The following DPYSL5 variants were observed in gnomAD, a reference collection of about 807,000 sequenced individuals.
DPYSL5 encodes dihydropyrimidinase-related protein 5.
DPYSL5 carries 9 observed loss-of-function variants against 58.4 expected under a neutral mutation model. The ratio of observed to expected loss-of-function variants is 0.15; its 90% CI spans 0.09 to 0.27. The LOEUF (loss-of-function observed/expected upper bound fraction) is 0.27, where lower values mean the gene tolerates loss of function less well. Ranked by LOEUF, DPYSL5 falls within the 10% of genes least tolerant of loss-of-function variation. DPYSL5 has a pLI of 1.00. For synonymous variants in DPYSL5, 293 were observed against 301.9 expected, an observed-to-expected ratio of 0.97 and a Z score of 0.31; for missense variants, 499 against 770.6, an observed-to-expected ratio of 0.65 and a Z score of 4.17.
intron 5 of DPYSL5, among the ~76,000 whole-genome samples, chr2:26,929,381 C>T (rs554737623): frequency 1.3e-5 from 2 of 152,160 alleles, no homozygotes; most frequent in Non-Finnish European, 2.9e-5. Flanking sequence ...TACAGGCATG[C>T]ACCGCCACAC....
intron 2 of DPYSL5, among the ~76,000 whole-genome samples, chr2:26,907,928 A>C (rs1335318458): frequency 1.3e-5 from 2 of 152,174 alleles, no homozygotes; most frequent in East Asian, 3.8e-4. Context: ...GACATCCAAG[A>C]AATGGATGTC....
At chr2:26,893,768 G>T (rs1663946052) in intron 1 of DPYSL5, among the ~76,000 whole-genome samples, 2 of 152,146 alleles carry the variant, frequency 1.3e-5, no homozygotes, top group Admixed American at 1.3e-4. Flanking sequence ...TGAAGGCAAT[G>T]GATCTAGTGA....
chr2:26,922,852 C>T (rs528412109), intron 2 of DPYSL5, among the ~76,000 whole-genome samples: 11 of 152,340 alleles, frequency 7.2e-5, no homozygotes, highest in Non-Finnish European at 1.3e-4. Flanking sequence ...GGTTCCTCTG[C>T]CGCCCCCATC....
chr2:26,893,919 CAG>C (rs1297239242), intron 1 of DPYSL5, among the ~76,000 whole-genome samples: 5 of 152,008 alleles, frequency 3.3e-5, no homozygotes, highest in Non-Finnish European at 7.4e-5. Context: ...TCCTGCTGGT[CAG>C]AGTTTGTCCT....
intron 8 of DPYSL5, among the ~76,000 whole-genome samples, chr2:26,937,764 T>C (rs1344562689): frequency 6.6e-6 from 1 of 151,822 alleles, no homozygotes; most frequent in African/African-American, 2.4e-5. Context: ...GTTTGTTTGT[T>C]TGTTTGTTTG....
chr2:26,946,532 C>T (rs1040417107), intron 12 of DPYSL5, among the ~76,000 whole-genome samples: 21 of 152,154 alleles, frequency 1.4e-4, no homozygotes, highest in African/African-American at 4.8e-4. Context: ...ATGGCATACC[C>T]TCATTTTTCT....
intron 2 of DPYSL5, among the ~76,000 whole-genome samples, chr2:26,913,860 T>C (rs960248863): frequency 6.6e-6 from 1 of 151,608 alleles, no homozygotes; most frequent in Non-Finnish European, 1.5e-5. Flanking sequence ...GTCTTCAGCA[T>C]GGAAATGTGC....
chr2:26,920,233 G>A (rs926889532), intron 2 of DPYSL5, among the ~76,000 whole-genome samples: 1 of 151,886 alleles, frequency 6.6e-6, no homozygotes, highest in South Asian at 2.1e-4. Context: ...GTTAACATCT[G>A]TTAAGTTTGA....
chr2:26,867,510 C>T (rs1663124581), intron 1 of DPYSL5, among the ~76,000 whole-genome samples: 1 of 143,782 alleles, frequency 7.0e-6, no homozygotes, highest in Admixed American at 7.1e-5. Flanking sequence ...GGCTGGAGTG[C>T]GGTGGCGGGA....
chr2:26,892,645 T>TGGGCAATG (rs1461122573), intron 1 of DPYSL5, among the ~76,000 whole-genome samples: 1 of 150,260 alleles, frequency 6.7e-6, no homozygotes, highest in Admixed American at 6.6e-5. Context: ...AAGTTCAGCC[T>TGGGCAATG]GGGCAATGAC....
intron 2 of DPYSL5, among the ~76,000 whole-genome samples, chr2:26,901,027 G>T (rs1664143344): frequency 2.0e-5 from 3 of 152,084 alleles, no homozygotes; most frequent in Non-Finnish European, 4.4e-5. Context: ...TTTATGCAAG[G>T]TGGTGAGTAA....
intron 1 of DPYSL5, among the ~76,000 whole-genome samples, chr2:26,870,608 G>A (rs975246110): frequency 1.3e-5 from 2 of 151,982 alleles, no homozygotes; most frequent in Non-Finnish European, 2.9e-5. Context: ...CACTTTGGGA[G>A]GCTGAAGGAT....
intron 1 of DPYSL5, among the ~76,000 whole-genome samples, chr2:26,868,860 A>G (rs1663182047): frequency 6.6e-6 from 1 of 152,220 alleles, no homozygotes; most frequent in Admixed American, 6.5e-5. Context: ...TTTGGAGAAA[A>G]TTGACATTTT....
At chr2:26,850,981 CATAT>C (rs968801481) in intron 1 of DPYSL5, among the ~76,000 whole-genome samples, 4 of 145,916 alleles carry the variant, frequency 2.7e-5, no homozygotes, top group Admixed American at 6.6e-5. Flanking sequence ...TATATACACA[CATAT>C]ATATATACAC....
rs1336703984 is a variant in DPYSL5, at chr2:26,898,192, G to A, written c.-4-304G>A. Among the ~76,000 whole-genome samples, 1 of 152,168 alleles carries A rather than the reference G, an allele frequency of 6.6e-6. No homozygotes were observed. Among genetic ancestry groups the A allele is most frequent in the Non-Finnish European group, 1.5e-5 (1 of 68,030 alleles). ...AGTAGAGATATGAGAAATGAGATATGAGAGATAGAAAATGAGATAGTAGAT... is the reference window on the plus strand; with the variant it reads ...AGTAGAGATATGAGAAATGAGATATAAGAGATAGAAAATGAGATAGTAGAT... On this transcript the variant is annotated intron_variant, in intron 1 of 12. Transcript: ENST00000288699. The surrounding 1 kb of genome is among the most constrained non-coding windows in gnomAD (Gnocchi z 6.1).
At chr2:26,923,148 T>A (rs1027389379) in intron 2 of DPYSL5, among the ~76,000 whole-genome samples, 2 of 151,852 alleles carry the variant, frequency 1.3e-5, no homozygotes, top group African/African-American at 4.8e-5. Context: ...GAGCTCTTTT[T>A]CTCCCCTACA....
At chr2:26,848,586 G>C (rs1665658045) in intron 1 of DPYSL5, 1 of 152,562 alleles carries the variant, frequency 6.6e-6, no homozygotes, top group Admixed American at 6.5e-5. Context: ...GCACGCAGTG[G>C]GCCGCTTTCC....
At chr2:26,885,665 A>G (rs1007213228) in intron 1 of DPYSL5, among the ~76,000 whole-genome samples, 2 of 152,186 alleles carry the variant, frequency 1.3e-5, no homozygotes, top group African/African-American at 4.8e-5. Context: ...TGGATGTAAC[A>G]TTAGACAGAG....
intron 2 of DPYSL5, among the ~76,000 whole-genome samples, chr2:26,908,738 C>T (rs1017654656): frequency 6.6e-6 from 1 of 152,144 alleles, no homozygotes; most frequent in South Asian, 2.1e-4. Context: ...GGCAATCTTT[C>T]GTGCTTAGTA....
Sources: gnomAD v4.1 joint callset for allele counts (sites outside exome capture counted in the v4.1 genomes callset) on GRCh38, gnomAD v4.1.1 for gene constraint, Gnocchi (gnomAD v3.1) non-coding constraint, MANE v1.5 for transcripts, NCBI Gene and HGNC (gene_info 2026-07-23, HGNC 2026-07-21) for gene names.